Variants in L3MBTL4 observed in about 807,000 individuals in gnomAD.
The protein encoded by L3MBTL4 is L3MBTL histone methyl-lysine binding protein 4.
In L3MBTL4, 70 loss-of-function variants were observed where a neutral mutation model predicts 84.5. The ratio of observed to expected loss-of-function variants is 0.83; its 90% confidence interval spans 0.68 to 1.01. The LOEUF (loss-of-function observed/expected upper bound fraction) is 1.01. Among genes scored for constraint, L3MBTL4 ranks in the 50% least tolerant of loss-of-function variants. The pLI, the probability that L3MBTL4 is intolerant of heterozygous loss-of-function variation, is 0.00. For missense variants in L3MBTL4, 715 were observed against 754.8 expected (o/e 0.95, Z 0.62); for synonymous variants, 274 against 259.8 (o/e 1.05, Z -0.52).
chr18:6,310,540 C>G (rs750488842), intron 3 of L3MBTL4, among the ~76,000 whole-genome samples: 2 of 152,082 alleles, frequency 1.3e-5, no homozygotes, highest in African/African-American at 4.8e-5. Flanking sequence ...GGAACTGAAC[C>G]AAAAGAAAAT....
In L3MBTL4 at chr18:6,314,594, T is replaced by C. The variant is rs76510599; in HGVS notation, c.-90-2538A>G. ...AATGATTTGTATTTCTGTATAAAAA[T>C]TGAAAATAGTGTACTAATTTTTCAA... On this transcript the variant is annotated intron_variant, in intron 1 of 18. Transcript: ENST00000317931. Among the ~76,000 whole-genome samples the C allele has an allele frequency of 1.5e-4, 23 of 152,306 alleles. No homozygotes were observed. The East Asian group carries it at 4.4e-3, about 29-fold the overall frequency.
At chr18:6,155,755 A>T (rs1452445767) in intron 13 of L3MBTL4, among the ~76,000 whole-genome samples, 1 of 152,148 alleles carries the variant, frequency 6.6e-6, no homozygotes, top group African/African-American at 2.4e-5. Context: ...CGCTCATTGA[A>T]TTTTAGGTTT....
chr18:6,192,497 G>A (rs1269864556), intron 12 of L3MBTL4, among the ~76,000 whole-genome samples: 2 of 152,074 alleles, frequency 1.3e-5, no homozygotes, highest in Non-Finnish European at 2.9e-5. Context: ...CTGGCAATAT[G>A]TGTGAGTCCT....
At chr18:6,395,867 T>C (rs2055249249) in intron 1 of L3MBTL4, 1 of 152,204 alleles carries the variant, frequency 6.6e-6, no homozygotes. Flanking sequence ...AAAATGATTC[T>C]TTCCCAATGT....
At chr18:5,998,056 T>C (rs986363294) in intron 16 of L3MBTL4, among the ~76,000 whole-genome samples, 5 of 152,122 alleles carry the variant, frequency 3.3e-5, no homozygotes, top group African/African-American at 9.7e-5. Flanking sequence ...ACTAAAACCA[T>C]AGATACAAAA....
chr18:6,220,568 T>G lies in L3MBTL4; in HGVS notation c.785-4733A>C, dbSNP rs544388102. 3.3e-5 allele frequency among the ~76,000 whole-genome samples: 5 copies of G among 152,328 alleles called. No homozygotes were observed. In the South Asian group the frequency reaches 1.0e-3, roughly 32 times the overall value. On this transcript the variant is annotated intron_variant, in intron 10 of 18. Transcript: ENST00000317931. ...CTTCCTAACCCCATTACTTGCCTTA[T>G]TCTTCTCCACAGCACTTATTGACAC...
chr18:6,072,683 C>A (rs1224006022), intron 16 of L3MBTL4, among the ~76,000 whole-genome samples: 1 of 113,602 alleles, frequency 8.8e-6, no homozygotes. Flanking sequence ...TACTAAAAAA[C>A]ACACACACAC....
chr18:5,993,450 C>T (rs1322310967), intron 16 of L3MBTL4, among the ~76,000 whole-genome samples: 1 of 152,182 alleles, frequency 6.6e-6, no homozygotes, highest in South Asian at 2.1e-4. Flanking sequence ...AGAGCATATG[C>T]CCACTATTTT....
chr18:6,313,058 G>A (rs2050913635), intron 1 of L3MBTL4, among the ~76,000 whole-genome samples: 1 of 152,148 alleles, frequency 6.6e-6, no homozygotes, highest in Non-Finnish European at 1.5e-5. Context: ...TAAACCAAGT[G>A]TGTCTTTTCT....
At chr18:6,001,385 C>T (rs1182341612) in intron 16 of L3MBTL4, among the ~76,000 whole-genome samples, 2 of 152,322 alleles carry the variant, frequency 1.3e-5, no homozygotes, top group East Asian at 3.9e-4. Flanking sequence ...AAGCAGTGGG[C>T]TCAGAAATGA....
At chr18:6,283,417 T>G (rs1224636632) in intron 4 of L3MBTL4, among the ~76,000 whole-genome samples, 2 of 152,174 alleles carry the variant, frequency 1.3e-5, no homozygotes, top group Admixed American at 1.3e-4. Flanking sequence ...GGTTTAGACT[T>G]CAACTCTGAC....
At chr18:6,138,318 G>T (rs375214086) in intron 13 of L3MBTL4, 22 bp from the exon 14 acceptor site, 8 of 1,471,276 alleles carry the variant, frequency 5.4e-6, no homozygotes, top group Non-Finnish European at 7.6e-6. Context: ...AAAAGAACAT[G>T]CCTTGAAAAC....
chr18:6,050,689 CTT>C (rs111287307), intron 16 of L3MBTL4, among the ~76,000 whole-genome samples: 8,929 of 152,094 alleles, frequency 0.059, 865 homozygotes, highest in African/African-American at 0.21. Context: ...AAGTGTATGA[CTT>C]CCGTTTTTTA....
chr18:6,327,997 A>G (rs888993487), intron 1 of L3MBTL4, among the ~76,000 whole-genome samples: 4 of 152,218 alleles, frequency 2.6e-5, no homozygotes, highest in Admixed American at 2.6e-4. Flanking sequence ...AATTATCATC[A>G]TCCCTGTAAC....
chr18:5,972,117 G>C (rs766861740), intron 16 of L3MBTL4, among the ~76,000 whole-genome samples: 5 of 152,160 alleles, frequency 3.3e-5, no homozygotes, highest in Non-Finnish European at 5.9e-5. Flanking sequence ...GCTGAGCTGT[G>C]GATCCCCTAC....
At chr18:6,181,292 A>G (rs1458858298) in intron 12 of L3MBTL4, among the ~76,000 whole-genome samples, 1 of 152,004 alleles carries the variant, frequency 6.6e-6, no homozygotes, top group Non-Finnish European at 1.5e-5. Context: ...CCGTCCAGGT[A>G]ATAGGCATAG....
chr18:5,992,829 G>A (rs181658538), intron 16 of L3MBTL4, among the ~76,000 whole-genome samples: 10 of 152,254 alleles, frequency 6.6e-5, no homozygotes, highest in Non-Finnish European at 1.3e-4. Flanking sequence ...AGGTGCCGTC[G>A]CCATGCTTCC....
Position 6,046,666 on chromosome 18 carries a change from C to A in L3MBTL4, c.1444+34215G>T, listed in dbSNP as rs1192910804. 4 of 729,258 alleles carry A rather than the reference C, an allele frequency of 5.5e-6. No individual in the cohort carries two copies. The Admixed American group carries it at 6.4e-5, about 12-fold the overall frequency. 45.2% of individuals were successfully genotyped at this position (729,258 alleles called of 1,614,324 possible). On this transcript the variant is annotated intron_variant, in intron 16 of 18. Transcript: ENST00000317931. ...ACCTGAATGACTTTTAGGTAAATAA[C>A]AAAACTAAGGCAGAAGTAAAAAAAA...
chr18:6,306,941 C>G (rs781429411), intron 3 of L3MBTL4, among the ~76,000 whole-genome samples: 8 of 152,118 alleles, frequency 5.3e-5, no homozygotes, highest in Non-Finnish European at 1.2e-4. Flanking sequence ...CAATGCTCAC[C>G]TACTATACTG....
Sources: gnomAD v4.1 joint callset for allele counts (sites outside exome capture counted in the v4.1 genomes callset) on GRCh38, gnomAD v4.1.1 for gene constraint, MANE v1.5 for transcripts, NCBI Gene and HGNC (gene_info 2026-07-23, HGNC 2026-07-21) for gene names.